The following GSE1 variants were observed in gnomAD, a reference collection of about 807,000 sequenced individuals.
The protein encoded by GSE1 is Gse1 coiled-coil protein.
A neutral mutation model predicts 112.6 loss-of-function variants in GSE1; 32 were observed. That is an observed-to-expected ratio of 0.28 (90% CI 0.21 to 0.38). GSE1 has a LOEUF of 0.38. Ranked by LOEUF, GSE1 falls within the 10% of genes least tolerant of loss-of-function variation. The probability of loss-of-function intolerance (pLI) is 1.00; values close to 1 mark genes in which losing one functional copy is unlikely to be tolerated. For missense variants in GSE1, 2,348 were observed against 1,699.2 expected (o/e 1.38, Z -6.71); for synonymous variants, 1,115 against 735.6 (o/e 1.52, Z -8.35).
chr16:85,388,613 T>A (rs897940148), intron 2 of GSE1, among the ~76,000 whole-genome samples: 6 of 150,734 alleles, frequency 4.0e-5, no homozygotes, highest in Non-Finnish European at 7.4e-5. Flanking sequence ...GTTGGATGGA[T>A]GGATGGATGG....
At chr16:85,613,292 C>T (rs551030631), upstream of GSE1, 158 of 1,539,832 alleles carry the variant, frequency 1.0e-4, 2 homozygotes, top group South Asian at 1.8e-3. Context: ...CCCGAGCTGC[C>T]GCCGCCGAGC....
At chr16:85,553,214 A>AGCGGAGGCCCG (rs1473517127), upstream of GSE1, among the ~76,000 whole-genome samples, 1 of 128,006 alleles carries the variant, frequency 7.8e-6, no homozygotes, top group Non-Finnish European at 1.6e-5. Context: ...CGGGGGCTGG[A>AGCGGAGGCCCG]GCGGAGGCCC....
At chr16:85,321,105 C>G (rs2046098194) in intron 1 of GSE1, among the ~76,000 whole-genome samples, 3 of 152,190 alleles carry the variant, frequency 2.0e-5, no homozygotes, top group African/African-American at 7.2e-5. Context: ...ATTTGCCAGT[C>G]TGTGACACCT....
Position 85,627,900 on chromosome 16 carries a change from C to T in GSE1, c.8-6014C>T, listed in dbSNP as rs550206583. ...CCTGTGTCCCCCACGGACACCTTGG[C>T]ACCTGCACTGACCTCAGCCAGAGAA... On this transcript the variant is annotated intron_variant, in intron 1 of 15. Transcript: ENST00000253458. 9.8e-5 allele frequency among the ~76,000 whole-genome samples: 15 copies of T among 152,362 alleles called. 1 individual carries two copies. The highest frequency in any genetic ancestry group is 3.6e-4 in the African/African-American group (15 of 41,592).
chr16:85,613,419 CG>C lies in GSE1; in HGVS notation c.7+25del. ...GAAAGGTGAGCGCGCCGCACCCGGCCGGGGACGGGGTCCTCCCCCCTCCCCC... is the reference window on the plus strand; with the variant it reads ...GAAAGGTGAGCGCGCCGCACCCGGCCGGGACGGGGTCCTCCCCCCTCCCCC... On this transcript the variant is annotated intron_variant, in intron 1 of 15. Transcript: ENST00000253458. 4 of 1,547,906 alleles carry C rather than the reference CG, an allele frequency of 2.6e-6. No homozygotes were observed. The South Asian group carries it at 4.7e-5, about 18-fold the overall frequency.
chr16:85,624,878 C>A (rs1303133984), intron 1 of GSE1, among the ~76,000 whole-genome samples: 1 of 152,180 alleles, frequency 6.6e-6, no homozygotes, highest in African/African-American at 2.4e-5. Flanking sequence ...TGGGTGAGCC[C>A]CCGGCTCTGT....
At position 85,493,468 on chromosome 16, in the gene GSE1, C is replaced by A. The variant is rs1007899337; in HGVS notation, c.2464+135825C>A. ...CTTTACAAAAAATTATATTAGCCAGCTGTGGCCGGGCACAGTGGCTCACAC... is the reference window on the plus strand; with the variant it reads ...CTTTACAAAAAATTATATTAGCCAGATGTGGCCGGGCACAGTGGCTCACAC... On this transcript the variant is annotated intron_variant, in intron 2 of 2. Coordinates refer to the GSE1 transcript ENST00000637419. 9.9e-5 allele frequency among the ~76,000 whole-genome samples: 15 copies of A among 152,014 alleles called. No homozygotes were observed. In the East Asian group the frequency reaches 2.9e-3, roughly 29 times the overall value.
At chr16:85,391,151 G>T (rs1446404173) in intron 2 of GSE1, among the ~76,000 whole-genome samples, 5 of 152,228 alleles carry the variant, frequency 3.3e-5, no homozygotes, top group African/African-American at 1.2e-4. Context: ...GGAGCAACAG[G>T]ATGGAGCAAG....
At chr16:85,448,728 G>A (rs574393713) in intron 2 of GSE1, among the ~76,000 whole-genome samples, 4 of 152,290 alleles carry the variant, frequency 2.6e-5, no homozygotes, top group East Asian at 3.9e-4. Context: ...CCCGCCCCAC[G>A]CCGCCCACAT....
chr16:85,355,451 G>C (rs149523310), intron 1 of GSE1, among the ~76,000 whole-genome samples: 8 of 152,186 alleles, frequency 5.3e-5, no homozygotes, highest in Admixed American at 4.6e-4. Flanking sequence ...GACCTTGCCT[G>C]TGACCCTGGG....
intron 1 of GSE1, among the ~76,000 whole-genome samples, chr16:85,629,429 C>T (rs972021688): frequency 2.0e-5 from 3 of 152,226 alleles, no homozygotes; most frequent in African/African-American, 7.2e-5. Flanking sequence ...CCACGTTCCC[C>T]TTTTGCGGTA....
intron 1 of GSE1, among the ~76,000 whole-genome samples, chr16:85,260,900 G>A (rs1354758300): frequency 6.6e-6 from 1 of 152,264 alleles, no homozygotes; most frequent in Non-Finnish European, 1.5e-5. Flanking sequence ...GCATCCAGAT[G>A]GGGGCTAAGG....
Position 85,661,568 on chromosome 16 carries a change from A to C in GSE1, c.2063A>C (p.Gln688Pro), listed in dbSNP as rs1479053630. The C allele has an allele frequency of 1.1e-5, 17 of 1,610,902 alleles. No individual in the cohort carries two copies. Among genetic ancestry groups the C allele is most frequent in the Admixed American group, 3.3e-5 (2 of 59,868 alleles). Reference protein sequence around the residue: ...LEKSTQTILGQQRASLPQAAT... With the variant: ...LEKSTQTILGPQRASLPQAAT... Reference sequence around the variant, plus strand: ...AAGTCCACCCAGACCATCCTGGGCCAGCAGCGGGCCTCCCTCCCACAGGCG... The same window carrying C: ...AAGTCCACCCAGACCATCCTGGGCCCGCAGCGGGCCTCCCTCCCACAGGCG... The change falls in exon 9 of 16, where the codon CAG (glutamine) becomes CCG (proline). Residue 688 changes from glutamine to proline, a missense_variant. Physicochemically the swap from Gln to Pro is moderately conservative, Grantham distance 76. Transcript: ENST00000253458.
chr16:85,467,141 A>C (rs1191767588), intron 2 of GSE1, among the ~76,000 whole-genome samples: 1 of 152,222 alleles, frequency 6.6e-6, no homozygotes, highest in Admixed American at 6.5e-5. Context: ...CTGGGCGAGC[A>C]TGCAGACCTC....
chr16:85,359,810 T>G (rs567612943), intron 2 of GSE1, among the ~76,000 whole-genome samples: 1 of 152,062 alleles, frequency 6.6e-6, no homozygotes, highest in Non-Finnish European at 1.5e-5. Context: ...CCCTGAGTGC[T>G]GGGAGGCCGA....
At chr16:85,403,235 C>G (rs139384043) in intron 2 of GSE1, among the ~76,000 whole-genome samples, 5 of 152,290 alleles carry the variant, frequency 3.3e-5, no homozygotes, top group African/African-American at 1.2e-4. Context: ...AGAGGGCACA[C>G]GCAATGGCAA....
chr16:85,197,205 C>G (rs2074944376), intron 1 of GSE1, among the ~76,000 whole-genome samples: 1 of 152,078 alleles, frequency 6.6e-6, no homozygotes, highest in Non-Finnish European at 1.5e-5. Flanking sequence ...GAACGGTGGA[C>G]CCAGAGCCAC....
chr16:85,661,620 C>T lies in GSE1; in HGVS notation c.2115C>T (p.Pro705=), dbSNP rs747942982. 1.9e-6 allele frequency: 3 copies of T among 1,611,160 alleles called. No individual in the cohort carries two copies. Among genetic ancestry groups the T allele is most frequent in the Non-Finnish European group, 2.5e-6 (3 of 1,179,462 alleles). Residue 705 remains proline, a synonymous_variant, in exon 9 of 16, where the codon CCC becomes CCT. Coordinates refer to ENST00000253458, the MANE Select transcript of GSE1 (RefSeq NM_014615.5). ...CCACCTTCGGGGAGCTCAGCGGACC[C>T]CTGAAGCCTGGCTCGCCCTACCGGC... ...QAATFGELSG[P]LKPGSPYRPP...
intron 2 of GSE1, among the ~76,000 whole-genome samples, chr16:85,430,444 A>G: frequency 6.6e-6 from 1 of 152,212 alleles, no homozygotes; most frequent in East Asian, 1.9e-4. Context: ...GGCCAGAGCC[A>G]ACTCCAAGAG....
Sources: allele counts gnomAD v4.1 joint callset (sites outside exome capture counted in the v4.1 genomes callset), GRCh38; gene constraint gnomAD v4.1.1; transcripts MANE v1.5; gene names NCBI Gene and HGNC (gene_info 2026-07-23, HGNC 2026-07-21).